Variants in PEAK1 observed in about 807,000 individuals in gnomAD.
PEAK1 encodes the protein inactive tyrosine-protein kinase PEAK1.
In PEAK1, 54 loss-of-function variants were observed where a neutral mutation model predicts 124.7. That is an observed-to-expected ratio of 0.43 (90% CI 0.35 to 0.54). The LOEUF is 0.54. Ranked by LOEUF, PEAK1 falls within the 20% of genes least tolerant of loss-of-function variation. The pLI is 0.01. For synonymous variants in PEAK1, 719 were observed against 760.0 expected (o/e 0.95, Z 0.89); for missense variants, 2,046 against 2,134.5 (o/e 0.96, Z 0.82).
chr15:77,160,855 C>T (rs1014776176), intron 7 of PEAK1, among the ~76,000 whole-genome samples: 2 of 152,140 alleles, frequency 1.3e-5, no homozygotes, highest in Admixed American at 6.5e-5. Context: ...GAAAGTGTTC[C>T]TTCCCATTTG....
chr15:77,113,675 G>A lies in PEAK1; in HGVS notation c.*481C>T, dbSNP rs1250375751. 1 of 159,890 alleles carries A rather than the reference G, an allele frequency of 6.3e-6. No individual in the cohort carries two copies. The highest frequency in any genetic ancestry group is 1.4e-5 in the Non-Finnish European group (1 of 72,474). 9.9% of individuals were successfully genotyped at this position (159,890 alleles called of 1,614,324 possible). ...GATGGCAGTCCTGCCTAGTAAGTCA[G>A]TTGTTGACACCTTAAAGGAAGAGTC... On this transcript the variant is annotated 3_prime_UTR_variant, in exon 10 of 10. Transcript: ENST00000682557.
chr15:77,129,403 T>A (rs2052654371), intron 9 of PEAK1, among the ~76,000 whole-genome samples: 1 of 152,016 alleles, frequency 6.6e-6, no homozygotes, highest in South Asian at 2.1e-4. Context: ...GGATGAGGGG[T>A]GATATCCTTT....
Position 77,133,689 on chromosome 15 carries a change from G to A in PEAK1, c.3393C>T (p.Asp1131=), listed in dbSNP as rs769963421. The change falls in exon 9 of 10, where the codon GAC becomes GAT. Residue 1131 remains aspartate, a synonymous_variant. Transcript: ENST00000682557. This position sits in a 1 kb window ranked among gnomAD's most constrained non-coding sequence, Gnocchi z 4.2. ...TTTTCCCTCCAAAGGCGATGGCATC[G>A]TCCACAGCTCCCTTGGGCTGTCGTG... ...KQPRQPKGAV[D]DAIAFGGKTD... 8.7e-6 allele frequency: 14 copies of A among 1,613,972 alleles called. No individual in the cohort carries two copies. Among genetic ancestry groups the A allele is most frequent in the Admixed American group, 8.3e-5 (5 of 60,006 alleles).
chr15:77,116,490 C>A (rs1421554741), intron 9 of PEAK1, among the ~76,000 whole-genome samples: 1 of 151,696 alleles, frequency 6.6e-6, no homozygotes, highest in African/African-American at 2.4e-5. Flanking sequence ...AAAATGTACA[C>A]ATTCTTAGGA....
chr15:77,303,285 C>A (rs1417455269), intron 2 of PEAK1, among the ~76,000 whole-genome samples: 1 of 152,160 alleles, frequency 6.6e-6, no homozygotes, highest in Non-Finnish European at 1.5e-5. Context: ...AAGAGCATAA[C>A]TGCTGATTTG....
chr15:77,294,322 T>C (rs969603291), intron 2 of PEAK1, among the ~76,000 whole-genome samples: 1 of 152,168 alleles, frequency 6.6e-6, no homozygotes, highest in Non-Finnish European at 1.5e-5. Flanking sequence ...TAATTTTATT[T>C]AAATAATATA....
chr15:77,410,324 C>T (rs1471888258), intron 1 of PEAK1, among the ~76,000 whole-genome samples: 1 of 152,076 alleles, frequency 6.6e-6, no homozygotes, highest in African/African-American at 2.4e-5. Flanking sequence ...GGGCTTTCTC[C>T]ATGTGGGTCA....
intron 6 of PEAK1, among the ~76,000 whole-genome samples, chr15:77,227,498 G>A (rs1200258827): frequency 1.3e-5 from 2 of 152,028 alleles, no homozygotes; most frequent in Non-Finnish European, 2.9e-5. Flanking sequence ...ATTAGACCAA[G>A]AAGAATAAAA....
chr15:77,209,024 T>C (rs1256471476), intron 6 of PEAK1, among the ~76,000 whole-genome samples: 1 of 152,212 alleles, frequency 6.6e-6, no homozygotes, highest in African/African-American at 2.4e-5. Flanking sequence ...TAGGGAAGAT[T>C]TGTCTACAGA....
At chr15:77,212,836 GA>G (rs1246209431) in intron 6 of PEAK1, among the ~76,000 whole-genome samples, 1 of 152,152 alleles carries the variant, frequency 6.6e-6, no homozygotes, top group Non-Finnish European at 1.5e-5. Flanking sequence ...TCTCATCAGA[GA>G]GCATTTCTAG....
intron 1 of PEAK1, among the ~76,000 whole-genome samples, chr15:77,388,970 T>TA (rs895680900): frequency 2.0e-5 from 3 of 150,854 alleles, no homozygotes; most frequent in Admixed American, 6.6e-5. Flanking sequence ...ATTTTTTTTT[T>TA]TTTTTTTTTG....
At chr15:77,314,212 A>G (rs1410111949) in intron 2 of PEAK1, among the ~76,000 whole-genome samples, 1 of 152,158 alleles carries the variant, frequency 6.6e-6, no homozygotes, top group East Asian at 1.9e-4. Flanking sequence ...TTATTTTGAT[A>G]AAATGTAAAT....
At chr15:77,374,922 G>A (rs1413250395) in intron 1 of PEAK1, among the ~76,000 whole-genome samples, 1 of 151,982 alleles carries the variant, frequency 6.6e-6, no homozygotes, top group African/African-American at 2.4e-5. Flanking sequence ...GTTTACTAAG[G>A]ACAAATTAAG....
chr15:77,132,865 C>T, intron 9 of PEAK1, 140 bp downstream of exon 9: 2 of 767,282 alleles, frequency 2.6e-6, no homozygotes, highest in East Asian at 2.7e-5. Context: ...CCTGCTTAAT[C>T]TAGTATCTGG....
chr15:77,258,048 T>C (rs1231045734), intron 5 of PEAK1, among the ~76,000 whole-genome samples: 2 of 152,146 alleles, frequency 1.3e-5, no homozygotes, highest in East Asian at 1.9e-4. Context: ...AGACATGCGG[T>C]GTCATTTCTG....
At position 77,184,399 on chromosome 15, in the gene PEAK1, A is replaced by T. The variant is rs528188982; in HGVS notation, c.-114-2359T>A. 3.3e-5 allele frequency among the ~76,000 whole-genome samples: 5 copies of T among 152,316 alleles called. No homozygotes were observed. In the East Asian group the frequency reaches 9.6e-4, roughly 29 times the overall value. ...TGTAAATGGTTCAGGTATTCTGAAAAACAGTTTTGCAGTTTCTTATAGAGT... is the reference window on the plus strand; with the variant it reads ...TGTAAATGGTTCAGGTATTCTGAAATACAGTTTTGCAGTTTCTTATAGAGT... On this transcript the variant is annotated intron_variant, in intron 6 of 9. Coordinates refer to ENST00000682557, the MANE Select transcript of PEAK1 (RefSeq NM_001385026.1).
At chr15:77,348,199 AAAG>A (rs1432787917) in intron 2 of PEAK1, 1 of 983,980 alleles carries the variant, frequency 1.0e-6, no homozygotes, top group Non-Finnish European at 1.2e-6. Context: ...AAAAAAAAAA[AAAG>A]AAGACTGGGA....
At chr15:77,368,524 A>T (rs2068421158) in intron 1 of PEAK1, among the ~76,000 whole-genome samples, 1 of 151,898 alleles carries the variant, frequency 6.6e-6, no homozygotes, top group Admixed American at 6.6e-5. Flanking sequence ...TCTCAAAAAA[A>T]AAAAAGAGTT....
chr15:77,365,917 T>C (rs1220085821), intron 1 of PEAK1, among the ~76,000 whole-genome samples: 3 of 152,038 alleles, frequency 2.0e-5, no homozygotes, highest in African/African-American at 7.2e-5. Flanking sequence ...TCTGGAAATG[T>C]AAAAGTAAAT....
Sources: allele counts gnomAD v4.1 joint callset (sites outside exome capture counted in the v4.1 genomes callset), GRCh38; gene constraint gnomAD v4.1.1; non-coding constraint Gnocchi (gnomAD v3.1); transcripts MANE v1.5; gene names NCBI Gene and HGNC (gene_info 2026-07-23, HGNC 2026-07-21).